AP1S3: variants seen among roughly 807,000 people sequenced by gnomAD.
The protein encoded by AP1S3 is adaptor related protein complex 1 subunit sigma 3, also known as AP-1 complex subunit sigma-3.
A neutral mutation model predicts 20.9 loss-of-function variants in AP1S3; 10 were observed. The ratio of observed to expected loss-of-function variants is 0.48; its 90% CI spans 0.29 to 0.81. AP1S3 has a LOEUF of 0.81. Among genes scored for constraint, AP1S3 ranks in the 30% least tolerant of loss-of-function variants. The probability of loss-of-function intolerance (pLI) is 0.08; values close to 1 mark genes in which losing one functional copy is unlikely to be tolerated. For synonymous variants in AP1S3, 41 were observed against 61.5 expected, an observed-to-expected ratio of 0.67 and a Z score of 1.56; for missense variants, 154 against 183.8, an observed-to-expected ratio of 0.84 and a Z score of 0.94.
At chr2:223,810,831 A>C (rs13416180) in intron 1 of AP1S3, among the ~76,000 whole-genome samples, 50,416 of 151,994 alleles carry the variant, frequency 0.33, 8,749 homozygotes, top group Middle Eastern at 0.43. Flanking sequence ...TTTATATTAT[A>C]ATAAATCATT....
At chr2:223,784,388 G>A (rs1559282337) in intron 1 of AP1S3, among the ~76,000 whole-genome samples, 2 of 152,056 alleles carry the variant, frequency 1.3e-5, no homozygotes, top group African/African-American at 2.4e-5. Context: ...GCATACCTGT[G>A]TGCACAGACT....
At chr2:223,834,735 G>A (rs1178702383) in intron 1 of AP1S3, among the ~76,000 whole-genome samples, 4 of 151,372 alleles carry the variant, frequency 2.6e-5, no homozygotes, top group Non-Finnish European at 5.9e-5. Flanking sequence ...CAGCTTGGGC[G>A]ACACAGAGAC....
Position 223,755,986 on chromosome 2 carries a change from G to C in AP1S3, c.*2729C>G, listed in dbSNP as rs1307494278. ...CCAAATATGGTGACAAATTTCAAAA[G>C]AACCGGAAAAACTATGATGGATTTA... On this transcript the variant is annotated 3_prime_UTR_variant, in exon 5 of 5. Transcript: ENST00000396654. 1 of 985,412 alleles carries C rather than the reference G, an allele frequency of 1.0e-6. No individual in the cohort carries two copies. The highest frequency in any genetic ancestry group is 1.1e-4 in the East Asian group (1 of 8,816). 61.0% of individuals were successfully genotyped at this position (985,412 alleles called of 1,614,324 possible). A position where few individuals can be genotyped will look rare whatever the true frequency, so the allele number is the denominator to read the frequency against.
chr2:223,783,956 C>T (rs1691015884), intron 1 of AP1S3, among the ~76,000 whole-genome samples: 1 of 152,318 alleles, frequency 6.6e-6, no homozygotes, highest in Middle Eastern at 3.4e-3. Flanking sequence ...GGCCCTCCTC[C>T]GGTGGCCCAG....
Position 223,795,769 on chromosome 2 carries a change from T to A in AP1S3, c.4-17900A>T, listed in dbSNP as rs187381508. Among the ~76,000 whole-genome samples the A allele has an allele frequency of 3.3e-5, 5 of 152,276 alleles. No individual in the cohort carries two copies. The East Asian group carries it at 9.6e-4, about 29-fold the overall frequency. ...CTTATCAACAAAATAGGAAAAACAATGATAAGGACCTCAGTGATGCTGGGA... is the reference window on the plus strand; with the variant it reads ...CTTATCAACAAAATAGGAAAAACAAAGATAAGGACCTCAGTGATGCTGGGA... On this transcript the variant is annotated intron_variant, in intron 1 of 4. Coordinates refer to ENST00000396654, the MANE Select transcript of AP1S3 (RefSeq NM_001039569.2).
At chr2:223,767,522 G>A (rs529410452) in intron 3 of AP1S3, among the ~76,000 whole-genome samples, 1 of 151,808 alleles carries the variant, frequency 6.6e-6, no homozygotes, top group South Asian at 2.1e-4. Context: ...GAATATTCAT[G>A]TTCCTCAAGG....
rs1304662236 is a variant in AP1S3 at position 223,756,456 on chromosome 2, A to AGAAAGAAAG, written c.*2250_*2258dup. 2 of 839,810 alleles carry AGAAAGAAAG rather than the reference A, an allele frequency of 2.4e-6. No homozygotes were observed. The highest frequency in any genetic ancestry group is 3.7e-5 in the African/African-American group (2 of 54,760). 52.0% of individuals were successfully genotyped at this position (839,810 alleles called of 1,614,324 possible). ...GGAAGGAAGAAAGGAAGGAAAAGAA[A>AGAAAGAAAG]GAAAGAAAGAAAAGAAAGAAAGAAA... On this transcript the variant is annotated 3_prime_UTR_variant, in exon 5 of 5. Coordinates refer to ENST00000396654, the MANE Select transcript of AP1S3 (RefSeq NM_001039569.2).
At chr2:223,818,510 A>G (rs1000872465) in intron 1 of AP1S3, among the ~76,000 whole-genome samples, 11 of 151,968 alleles carry the variant, frequency 7.2e-5, no homozygotes, top group African/African-American at 2.7e-4. Flanking sequence ...AAAATTTTGC[A>G]GTTATAAGCA....
At chr2:223,794,774 T>G (rs1691295759) in intron 1 of AP1S3, among the ~76,000 whole-genome samples, 1 of 152,162 alleles carries the variant, frequency 6.6e-6, no homozygotes, top group Admixed American at 6.5e-5. Flanking sequence ...GCCACAAGAC[T>G]ATCTTTCCAA....
At chr2:223,795,910 C>T (rs533781020) in intron 1 of AP1S3, among the ~76,000 whole-genome samples, 1 of 152,128 alleles carries the variant, frequency 6.6e-6, no homozygotes, top group African/African-American at 2.4e-5. Flanking sequence ...CGGTGGCTCA[C>T]GCCTGTAATC....
rs1330135461 is a variant in AP1S3, at chr2:223,798,587, TTGTC to T, written c.4-20722_4-20719del. ...TCTATAAAGACAATTCCTCATAAAA[TTGTC>T]TGTCTGTTATCCATCCACCTGTATG... On this transcript the variant is annotated intron_variant, in intron 1 of 4. Transcript: ENST00000396654. Among the ~76,000 whole-genome samples, 7 of 152,286 alleles carry T rather than the reference TTGTC, an allele frequency of 4.6e-5. No homozygotes were observed. The South Asian group carries it at 1.5e-3, about 32-fold the overall frequency.
intron 1 of AP1S3, among the ~76,000 whole-genome samples, chr2:223,780,750 T>C (rs941586728): frequency 9.0e-6 from 1 of 111,612 alleles, no homozygotes; most frequent in African/African-American, 2.8e-5. Context: ...TAATAGTTCA[T>C]CTTTTTTTTT....
intron 1 of AP1S3, among the ~76,000 whole-genome samples, chr2:223,826,799 G>A (rs1004191237): frequency 2.7e-4 from 41 of 151,916 alleles, no homozygotes; most frequent in African/African-American, 9.4e-4. Context: ...GAATACAGGC[G>A]AGCACCACCA....
At chr2:223,789,674 C>CAAA (rs536845135) in intron 1 of AP1S3, among the ~76,000 whole-genome samples, 11,468 of 88,814 alleles carry the variant, frequency 0.13, 735 homozygotes, top group East Asian at 0.29. Flanking sequence ...AACCCTGTCT[C>CAAA]AAAAAAAAAA....
intron 2 of AP1S3, among the ~76,000 whole-genome samples, chr2:223,777,203 C>G (rs1316264281): frequency 3.3e-5 from 5 of 152,158 alleles, no homozygotes; most frequent in African/African-American, 9.7e-5. Flanking sequence ...TGAGACCAGC[C>G]TGGCCAACAT....
At chr2:223,764,915 C>T (rs1228083780) in intron 4 of AP1S3, among the ~76,000 whole-genome samples, 2 of 152,144 alleles carry the variant, frequency 1.3e-5, no homozygotes. Flanking sequence ...TGCCTGGGTT[C>T]AAATCTCTAT....
intron 1 of AP1S3, among the ~76,000 whole-genome samples, chr2:223,833,246 ATACATAC>A (rs1559150045): frequency 4.0e-5 from 6 of 150,706 alleles, no homozygotes; most frequent in Non-Finnish European, 7.4e-5. Context: ...GGCAAAATAC[ATACATAC>A]ATACATACAT....
At chr2:223,812,283 G>A (rs963221930) in intron 1 of AP1S3, among the ~76,000 whole-genome samples, 3 of 152,154 alleles carry the variant, frequency 2.0e-5, no homozygotes, top group Non-Finnish European at 4.4e-5. Flanking sequence ...GTGCAGTGGT[G>A]CAATCTCAGC....
intron 1 of AP1S3, among the ~76,000 whole-genome samples, chr2:223,797,315 G>A (rs1204378689): frequency 6.6e-6 from 1 of 152,180 alleles, no homozygotes; most frequent in African/African-American, 2.4e-5. Context: ...AAGCTCCAAC[G>A]AAAGCCGCAG....
Sources: gnomAD v4.1 joint callset for allele counts (sites outside exome capture counted in the v4.1 genomes callset) on GRCh38, gnomAD v4.1.1 for gene constraint, MANE v1.5 for transcripts, NCBI Gene and HGNC (gene_info 2026-07-23, HGNC 2026-07-21) for gene names.